The following PROM1 variants were observed in gnomAD, a reference collection of about 807,000 sequenced individuals.
PROM1 encodes the protein prominin 1.
Under a neutral mutation model 116.9 loss-of-function variants are expected in PROM1, and 105 were observed. That is an observed-to-expected ratio of 0.90 (90% confidence interval 0.77 to 1.06). The LOEUF (loss-of-function observed/expected upper bound fraction) is 1.06, where lower values mean the gene tolerates loss of function less well. Among genes scored for constraint, PROM1 ranks in the 50% least tolerant of loss-of-function variants. PROM1 has a pLI of 0.00. For synonymous variants in PROM1, 393 were observed against 387.0 expected (o/e 1.02, Z -0.18); for missense variants, 1,122 against 1,045.2 (o/e 1.07, Z -1.01).
At chr4:16,005,797 C>G (rs1725327433) in intron 13 of PROM1, among the ~76,000 whole-genome samples, 1 of 152,164 alleles carries the variant, frequency 6.6e-6, no homozygotes, top group Admixed American at 6.5e-5. Flanking sequence ...TGACTTAGAA[C>G]CCACACAGCT....
intron 26 of PROM1, among the ~76,000 whole-genome samples, chr4:15,975,970 A>G (rs1716013681): frequency 6.6e-6 from 1 of 152,230 alleles, no homozygotes; most frequent in South Asian, 2.1e-4. Context: ...AACACAGAAT[A>G]TAGAAAGTAG....
intron 2 of PROM1, among the ~76,000 whole-genome samples, chr4:16,071,318 C>T (rs1742749693): frequency 6.6e-6 from 1 of 152,198 alleles, no homozygotes; most frequent in Admixed American, 6.5e-5. Flanking sequence ...TGGAAGGCTT[C>T]CTCACCTTCC....
chr4:15,982,795 G>A (rs962383045), intron 23 of PROM1, among the ~76,000 whole-genome samples: 7 of 152,228 alleles, frequency 4.6e-5, no homozygotes, highest in African/African-American at 1.7e-4. Context: ...CACAGGACAA[G>A]AAAAGTAGTT....
intron 26 of PROM1, chr4:15,971,860 A>C (rs2148976985): frequency 6.6e-6 from 1 of 152,366 alleles, no homozygotes; most frequent in African/African-American, 2.4e-5. Flanking sequence ...CACTTTAGAA[A>C]GTGCACATGC....
chr4:16,063,989 T>C (rs975661066), intron 2 of PROM1, among the ~76,000 whole-genome samples: 1 of 152,214 alleles, frequency 6.6e-6, no homozygotes, highest in Non-Finnish European at 1.5e-5. Flanking sequence ...CCTACTTTTA[T>C]ACATATTTGA....
At chr4:15,988,478 CAG>C (rs1418470321) in intron 19 of PROM1, among the ~76,000 whole-genome samples, 1 of 152,204 alleles carries the variant, frequency 6.6e-6, no homozygotes, top group Non-Finnish European at 1.5e-5. Context: ...AAAGCAGCCA[CAG>C]AGAGTTTGCA....
chr4:16,047,819 C>G (rs1029109597), intron 2 of PROM1, among the ~76,000 whole-genome samples: 4 of 152,020 alleles, frequency 2.6e-5, no homozygotes, highest in Admixed American at 1.3e-4. Flanking sequence ...TGCTGACAAC[C>G]TGAGCCCCCT....
Position 15,974,988 on chromosome 4 carries a change from T to C in PROM1, c.2583-3906A>G, listed in dbSNP as rs115668309. Among the ~76,000 whole-genome samples the C allele has an allele frequency of 7.1e-3, 1,081 of 152,326 alleles. 11 individuals are homozygous for C. The highest frequency in any genetic ancestry group is 0.024 in the African/African-American group (1,011 of 41,568). ...GCTAATATCCAGAGCCCAGTTGGTG[T>C]CATCAATGGAAGCTAAGTGGAGCTG... On this transcript the variant is annotated intron_variant, in intron 26 of 27. Coordinates refer to ENST00000447510, the MANE Select transcript of PROM1 (RefSeq NM_006017.3).
chr4:16,019,871 TACACAC>T (rs3040447), intron 8 of PROM1, among the ~76,000 whole-genome samples: 21,931 of 148,108 alleles, frequency 0.15, 1,795 homozygotes, highest in African/African-American at 0.22. Flanking sequence ...GTGTTAAAAA[TACACAC>T]ACACACACAC....
intron 5 of PROM1, among the ~76,000 whole-genome samples, chr4:16,026,463 G>C (rs2149349511): frequency 7.6e-6 from 1 of 131,606 alleles, no homozygotes. Context: ...TGTAGATATG[G>C]TTTTAGAACT....
intron 23 of PROM1, among the ~76,000 whole-genome samples, chr4:15,982,632 C>T (rs1045527364): frequency 6.6e-6 from 1 of 152,120 alleles, no homozygotes; most frequent in African/African-American, 2.4e-5. Flanking sequence ...CCCTGGTGAT[C>T]TGTGGAAAGG....
chr4:16,031,605 C>A (rs1732707167), intron 5 of PROM1, among the ~76,000 whole-genome samples: 1 of 151,500 alleles, frequency 6.6e-6, no homozygotes, highest in South Asian at 2.1e-4. Flanking sequence ...GAGAAAGAGA[C>A]AGACAGTGAC....
intron 1 of PROM1, chr4:16,079,979 A>G (rs1373087718): frequency 7.8e-6 from 1 of 127,442 alleles, no homozygotes; most frequent in African/African-American, 2.9e-5. Flanking sequence ...AATTGCTACC[A>G]GCCTGGGCAA....
intron 2 of PROM1, among the ~76,000 whole-genome samples, chr4:16,073,442 A>G (rs1224611685): frequency 2.0e-5 from 3 of 152,168 alleles, no homozygotes; most frequent in Admixed American, 1.3e-4. Context: ...TGATTATCTT[A>G]TATGTGTCCT....
chr4:16,028,466 A>G (rs1462585446), intron 5 of PROM1, among the ~76,000 whole-genome samples: 1 of 152,176 alleles, frequency 6.6e-6, no homozygotes, highest in Non-Finnish European at 1.5e-5. Flanking sequence ...AAATATCCCA[A>G]TTTTTAAATA....
intron 4 of PROM1, among the ~76,000 whole-genome samples, chr4:16,033,717 G>A (rs956109940): frequency 6.6e-6 from 1 of 150,934 alleles, no homozygotes; most frequent in African/African-American, 2.4e-5. Flanking sequence ...AGCCTCCCGA[G>A]TACTGTATTT....
At chr4:16,063,765 G>C (rs193050866) in intron 2 of PROM1, among the ~76,000 whole-genome samples, 105 of 152,314 alleles carry the variant, frequency 6.9e-4, no homozygotes, top group African/African-American at 2.5e-3. Flanking sequence ...AGGATATACT[G>C]TTAACTTCCA....
chr4:16,028,247 T>C (rs529037927), intron 5 of PROM1, among the ~76,000 whole-genome samples: 2 of 152,340 alleles, frequency 1.3e-5, no homozygotes, highest in South Asian at 4.1e-4. Context: ...ACAAAGTAAA[T>C]TTTGTATTTA....
intron 26 of PROM1, among the ~76,000 whole-genome samples, chr4:15,978,199 G>A (rs998915197): frequency 6.6e-6 from 1 of 152,138 alleles, no homozygotes; most frequent in Non-Finnish European, 1.5e-5. Context: ...AATAAACCCT[G>A]ATGTTTATAA....
Sources: allele counts gnomAD v4.1 joint callset (sites outside exome capture counted in the v4.1 genomes callset), GRCh38; gene constraint gnomAD v4.1.1; transcripts MANE v1.5; gene names NCBI Gene and HGNC (gene_info 2026-07-23, HGNC 2026-07-21).